GAS2L3: variants seen among roughly 807,000 people sequenced by gnomAD.
The protein encoded by GAS2L3 is GAS2-like protein 3.
In GAS2L3, 28 loss-of-function variants were observed where a neutral mutation model predicts 37.0. The ratio of observed to expected loss-of-function variants is 0.76; its 90% CI spans 0.56 to 1.04. The LOEUF (loss-of-function observed/expected upper bound fraction) is 1.04. Ranked by LOEUF, GAS2L3 falls within the 50% of genes least tolerant of loss-of-function variation. The pLI is 0.00. For missense variants in GAS2L3, 793 were observed against 817.6 expected, an observed-to-expected ratio of 0.97 and a Z score of 0.37; for synonymous variants, 290 against 296.6, an observed-to-expected ratio of 0.98 and a Z score of 0.23.
In GAS2L3 at chr12:100,626,112, A is replaced by G. The variant is rs1042701495; in HGVS notation, c.*1222A>G. 7 of 152,196 alleles carry G rather than the reference A, an allele frequency of 4.6e-5. No individual in the cohort carries two copies. Among genetic ancestry groups the G allele is most frequent in the Non-Finnish European group, 7.4e-5 (5 of 68,020 alleles). The allele number at this position is 152,196 out of a possible 1,614,324, so 9.4% of individuals were successfully genotyped here. ...TGGTGACTTTAAAAATTATTAATGA[A>G]CTTTGAGAAGTTTTAAGAGTGCTTT... is the stretch of plus-strand genomic sequence containing the variant. On this transcript the variant is annotated 3_prime_UTR_variant, in exon 10 of 10. Coordinates refer to ENST00000547754, the MANE Select transcript of GAS2L3 (RefSeq NM_174942.3).
chr12:100,600,396 A>C lies in GAS2L3; in HGVS notation c.33A>C (p.Glu11Asp). 6.3e-7 allele frequency: 1 copy of C among 1,589,214 alleles called. No homozygotes were observed. Among genetic ancestry groups the C allele is most frequent in the Non-Finnish European group, 8.5e-7 (1 of 1,172,510 alleles). Residue 11 changes from glutamate (E) to aspartate (D), a missense_variant, in exon 4 of 10, where the codon GAA becomes GAC. By Grantham distance (45) the Glu-to-Asp change is conservative. Transcript: ENST00000547754. ...TTTTTCTTTAGGTATGGTTTGGAGA[A>C]GATCTGCCTCTAAGTCCTCGGAGTC... MQPAIQVWFG[E>D]DLPLSPRSPL...
intron 1 of GAS2L3, chr12:100,579,428 G>A: frequency 2.1e-6 from 2 of 958,514 alleles, no homozygotes; most frequent in Non-Finnish European, 3.3e-6. Context: ...TATAACTATT[G>A]TTGTCAGCAG....
At chr12:100,597,926 T>C (rs1468960491) in intron 3 of GAS2L3, among the ~76,000 whole-genome samples, 1 of 152,176 alleles carries the variant, frequency 6.6e-6, no homozygotes, top group African/African-American at 2.4e-5. Flanking sequence ...ATTCACTTGG[T>C]ATTCCTTTTA....
intron 5 of GAS2L3, among the ~76,000 whole-genome samples, chr12:100,604,180 T>C (rs1031659060): frequency 6.6e-6 from 1 of 152,128 alleles, no homozygotes; most frequent in African/African-American, 2.4e-5. Flanking sequence ...AATCTGTAGA[T>C]TGCTTTGAGT....
Position 100,612,100 on chromosome 12 carries a change from T to C in GAS2L3, c.404T>C (p.Ile135Thr), listed in dbSNP as rs758973803. ...TANFLHWCRD[I>T]GVDETYLFES... is the part of the protein sequence containing the mutation. ...AACTTCCTTCACTGGTGTAGGGACATTGGGGTTGATGAAACTTACCTCTTT... is the reference window on the plus strand; with the variant it reads ...AACTTCCTTCACTGGTGTAGGGACACTGGGGTTGATGAAACTTACCTCTTT... The change falls in exon 6 of 10, where the codon ATT (isoleucine) becomes ACT (threonine). Residue 135 changes from isoleucine to threonine, a missense_variant. Physicochemically the swap from Ile to Thr is moderately conservative, Grantham distance 89. Coordinates refer to ENST00000547754, the MANE Select transcript of GAS2L3 (RefSeq NM_174942.3). 4.3e-6 allele frequency: 7 copies of C among 1,612,334 alleles called. No individual in the cohort carries two copies. Among genetic ancestry groups the C allele is most frequent in the South Asian group, 1.1e-5 (1 of 91,002 alleles).
chr12:100,586,232 A>G (rs1955779600), intron 1 of GAS2L3, among the ~76,000 whole-genome samples: 2 of 152,246 alleles, frequency 1.3e-5, no homozygotes, highest in African/African-American at 4.8e-5. Context: ...TGGACTTAAC[A>G]GATATATACA....
intron 5 of GAS2L3, among the ~76,000 whole-genome samples, chr12:100,607,034 C>T (rs556936824): frequency 1.3e-5 from 2 of 152,252 alleles, no homozygotes; most frequent in Non-Finnish European, 2.9e-5. Context: ...TGAAGGGAAA[C>T]CAGAATATTC....
At chr12:100,578,920 C>T (rs1460996356) in intron 1 of GAS2L3, 8 of 905,346 alleles carry the variant, frequency 8.8e-6, no homozygotes, top group African/African-American at 1.6e-5. Flanking sequence ...TCCCTCAGTG[C>T]CTGATTGGAA....
Position 100,622,265 on chromosome 12 carries a change from G to A in GAS2L3, c.649-10G>A, listed in dbSNP as rs756910674. The A allele has an allele frequency of 1.4e-5, 20 of 1,444,366 alleles. No homozygotes were observed. The East Asian group carries it at 1.8e-4, about 13-fold the overall frequency. The allele number at this position is 1,444,366 out of a possible 1,614,324, so 89.5% of individuals were successfully genotyped here. On this transcript the variant is annotated splice_polypyrimidine_tract_variant and intron_variant, in intron 8 of 9. Coordinates refer to ENST00000547754, the MANE Select transcript of GAS2L3 (RefSeq NM_174942.3). ...GACAAGCACTAAATTTTATTTGTTC[G>A]TCATCTTAGGTTAAACATATTGCTG...
At chr12:100,578,930 A>G (rs1955672350) in intron 1 of GAS2L3, 12 of 906,628 alleles carry the variant, frequency 1.3e-5, no homozygotes, top group Non-Finnish European at 2.2e-5. Context: ...CCTGATTGGA[A>G]GAGGGGATAA....
intron 5 of GAS2L3, among the ~76,000 whole-genome samples, chr12:100,605,201 T>C (rs1238628379): frequency 6.6e-6 from 1 of 152,116 alleles, no homozygotes; most frequent in African/African-American, 2.4e-5. Context: ...AATTCAGCAG[T>C]GAAGCCCTAG....
intron 2 of GAS2L3, among the ~76,000 whole-genome samples, chr12:100,594,464 A>G (rs1245690196): frequency 1.3e-5 from 2 of 151,978 alleles, no homozygotes; most frequent in African/African-American, 2.4e-5. Flanking sequence ...TAGGACTTTG[A>G]TGACAGTCAG....
rs1409221273 is a variant in GAS2L3 at position 100,576,856 on chromosome 12, T to C, written c.-152+3071T>C. On this transcript the variant is annotated intron_variant, in intron 1 of 9. Transcript: ENST00000547754. ...ATGTAGCAGCCTACTAAATGTGATG[T>C]CATCTTTGCCTCTGTAAGCATCCTA... 4.6e-5 allele frequency among the ~76,000 whole-genome samples: 7 copies of C among 152,224 alleles called. No individual in the cohort carries two copies. The East Asian group carries it at 1.3e-3, about 29-fold the overall frequency.
intron 1 of GAS2L3, among the ~76,000 whole-genome samples, chr12:100,581,352 T>G (rs1220744882): frequency 6.6e-6 from 1 of 152,216 alleles, no homozygotes; most frequent in East Asian, 1.9e-4. Context: ...CCCAGAGCCA[T>G]GGGTTTTTTA....
At chr12:100,581,159 A>G (rs2136381998) in intron 1 of GAS2L3, among the ~76,000 whole-genome samples, 1 of 152,314 alleles carries the variant, frequency 6.6e-6, no homozygotes, top group South Asian at 2.1e-4. Context: ...TCCCAAAACC[A>G]GCTGCTACCC....
intron 1 of GAS2L3, among the ~76,000 whole-genome samples, chr12:100,587,676 A>G (rs1182430087): frequency 6.6e-6 from 1 of 152,244 alleles, no homozygotes; most frequent in Non-Finnish European, 1.5e-5. Context: ...AACTGGAACA[A>G]GACAAGGATG....
rs1367363657 is a variant in GAS2L3 at position 100,591,820 on chromosome 12, G to A, written c.-67G>A. 1.3e-5 allele frequency: 2 copies of A among 152,022 alleles called. No individual in the cohort carries two copies. The highest frequency in any genetic ancestry group is 2.4e-5 in the African/African-American group (1 of 41,398). 9.4% of individuals were successfully genotyped at this position (152,022 alleles called of 1,614,324 possible). A position where few individuals can be genotyped will look rare whatever the true frequency, so the allele number is the denominator to read the frequency against. On this transcript the variant is annotated 5_prime_UTR_variant, in exon 2 of 10. Transcript: ENST00000547754. ...TGGAGCTGTAATTCAAATCAGATGT[G>A]TTCAATACCTTCTACTACCCCATTG...
Position 100,624,151 on chromosome 12 carries a change from C to T in GAS2L3, c.1346C>T (p.Ala449Val), listed in dbSNP as rs745841290. The change falls in exon 10 of 10, where the codon GCC becomes GTC. Residue 449 changes from alanine to valine, a missense_variant. Physicochemically the swap from Ala to Val is moderately conservative, Grantham distance 64 (BLOSUM62 0). Transcript: ENST00000547754. ...PNTPKAKVIP[A>V]QNSADLPEST... ...ACCCCCAAGGCCAAGGTTATTCCAG[C>T]CCAGAATTCAGCAGATCTGCCCGAG... 1.9e-6 allele frequency: 3 copies of T among 1,612,544 alleles called. No individual in the cohort carries two copies. The highest frequency in any genetic ancestry group is 3.3e-5 in the Admixed American group (2 of 59,780).
chr12:100,600,901 A>G (rs2136467487), intron 4 of GAS2L3, among the ~76,000 whole-genome samples: 1 of 152,156 alleles, frequency 6.6e-6, no homozygotes, highest in Non-Finnish European at 1.5e-5. Flanking sequence ...TTAGTCTTGT[A>G]TAAGCCATGA....
Sources: allele counts gnomAD v4.1 joint callset (sites outside exome capture counted in the v4.1 genomes callset), GRCh38; gene constraint gnomAD v4.1.1; transcripts MANE v1.5; gene names NCBI Gene and HGNC (gene_info 2026-07-23, HGNC 2026-07-21).